Variants in SYNPR observed in about 807,000 individuals in gnomAD.
The protein encoded by SYNPR is synaptoporin.
SYNPR carries 23 observed loss-of-function variants against 32.9 expected under a neutral mutation model. That is an observed-to-expected ratio of 0.70 (90% CI 0.50 to 0.99). The LOEUF is 0.99. SYNPR is among the 50% of genes least tolerant of loss of function. The pLI is 0.00. For missense variants in SYNPR, 318 were observed against 349.3 expected (o/e 0.91, Z 0.71); for synonymous variants, 146 against 135.9 (o/e 1.07, Z -0.52).
At chr3:63,543,402 A>G (rs2106807984) in intron 3 of SYNPR, among the ~76,000 whole-genome samples, 1 of 152,238 alleles carries the variant, frequency 6.6e-6, no homozygotes, top group Middle Eastern at 3.4e-3. Flanking sequence ...TTGATTTTTA[A>G]TCATCAGGAG....
intron 2 of SYNPR, among the ~76,000 whole-genome samples, chr3:63,291,331 A>T (rs2086736555): frequency 6.6e-6 from 1 of 152,210 alleles, no homozygotes; most frequent in Non-Finnish European, 1.5e-5. Context: ...AAACAACTGT[A>T]ACACAGAGTT....
At chr3:63,528,166 T>C (rs1227486050) in intron 3 of SYNPR, among the ~76,000 whole-genome samples, 1 of 152,220 alleles carries the variant, frequency 6.6e-6, no homozygotes, top group African/African-American at 2.4e-5. Flanking sequence ...TGTGTCTCCC[T>C]CTTGATCATC....
intron 2 of SYNPR, among the ~76,000 whole-genome samples, chr3:63,404,373 A>G (rs1289428874): frequency 6.6e-6 from 1 of 152,220 alleles, no homozygotes; most frequent in African/African-American, 2.4e-5. Context: ...GAACTACAAC[A>G]ATGATAATAG....
intron 2 of SYNPR, among the ~76,000 whole-genome samples, chr3:63,260,983 C>T (rs1428635799): frequency 6.6e-6 from 1 of 152,166 alleles, no homozygotes; most frequent in Non-Finnish European, 1.5e-5. Flanking sequence ...CATCACTGGC[C>T]ATCTGAGAAA....
rs539763446 is a variant in SYNPR, at chr3:63,576,949, A to C, written c.408+20208A>C. Among the ~76,000 whole-genome samples, 35 of 151,388 alleles carry C rather than the reference A, an allele frequency of 2.3e-4. No individual in the cohort carries two copies. The South Asian group carries it at 4.6e-3, about 20-fold the overall frequency. On this transcript the variant is annotated intron_variant, in intron 4 of 5. Transcript: ENST00000478300. ...CCATTTGCACATTCACTCTACCCCT[A>C]CAGGATACATTTTTTTTTAACCTAG...
intron 2 of SYNPR, among the ~76,000 whole-genome samples, chr3:63,477,926 C>T (rs1373297058): frequency 4.6e-5 from 7 of 152,152 alleles, no homozygotes; most frequent in Admixed American, 2.0e-4. Context: ...GTGGAGTATG[C>T]GCCTGCACTC....
At chr3:63,308,369 T>C (rs1444009808) in intron 2 of SYNPR, among the ~76,000 whole-genome samples, 2 of 152,064 alleles carry the variant, frequency 1.3e-5, no homozygotes, top group Non-Finnish European at 1.5e-5. Context: ...TCGATTGAGA[T>C]ATAATTGACA....
At chr3:63,573,810 T>C (rs1029545548) in intron 4 of SYNPR, among the ~76,000 whole-genome samples, 1 of 152,190 alleles carries the variant, frequency 6.6e-6, no homozygotes, top group African/African-American at 2.4e-5. Context: ...TTTCTTGTCA[T>C]CATTTACATA....
Position 63,260,380 on chromosome 3 carries a change from C to A in SYNPR, n.155-6937C>A, listed in dbSNP as rs9758017. On this transcript the variant is annotated intron_variant and non_coding_transcript_variant, in intron 2 of 4. Transcript: ENST00000478456. ...ACTGGTACCAAAACAGAGATATAGA[C>A]CAATGGAACAGAACAGAGCCCCCAG... is the stretch of plus-strand genomic sequence containing the variant. Among the ~76,000 whole-genome samples, 4 of 151,832 alleles carry A rather than the reference C, an allele frequency of 2.6e-5. No homozygotes were observed. In the East Asian group the frequency reaches 5.8e-4, roughly 22 times the overall value.
chr3:63,421,165 G>A (rs377665172), intron 2 of SYNPR, among the ~76,000 whole-genome samples: 4 of 152,306 alleles, frequency 2.6e-5, no homozygotes, highest in East Asian at 1.9e-4. Context: ...TTACAGGCAT[G>A]AGCCACTATG....
intron 4 of SYNPR, among the ~76,000 whole-genome samples, chr3:63,559,766 CAG>C (rs1322957936): frequency 2.7e-5 from 4 of 149,272 alleles, no homozygotes; most frequent in Non-Finnish European, 5.9e-5. Context: ...ATATCTTTAA[CAG>C]AGTCACCAAA....
intron 3 of SYNPR, among the ~76,000 whole-genome samples, chr3:63,554,011 C>A (rs1289064613): frequency 1.3e-5 from 2 of 152,224 alleles, no homozygotes; most frequent in African/African-American, 4.8e-5. Flanking sequence ...CGTGAGCCAC[C>A]ATGCCCAGCC....
chr3:63,253,042 A>G (rs1232221122), intron 2 of SYNPR, among the ~76,000 whole-genome samples: 5 of 20,234 alleles, frequency 2.5e-4, no homozygotes, highest in Non-Finnish European at 3.0e-4. Context: ...CTGTCTCAGA[A>G]AAAAAAAAAA....
intron 2 of SYNPR, among the ~76,000 whole-genome samples, chr3:63,313,989 C>A (rs1376603188): frequency 2.7e-4 from 2 of 7,328 alleles, no homozygotes; most frequent in Non-Finnish European, 6.2e-4. Context: ...ATATATATAT[C>A]CATATATATA....
chr3:63,582,988 A>G (rs1330105400), intron 4 of SYNPR, among the ~76,000 whole-genome samples: 2 of 131,190 alleles, frequency 1.5e-5, no homozygotes, highest in Non-Finnish European at 3.2e-5. Context: ...ACTTGGGTGC[A>G]TGTGGGCTGA....
chr3:63,310,942 T>C (rs1488732049), intron 2 of SYNPR, among the ~76,000 whole-genome samples: 1 of 152,014 alleles, frequency 6.6e-6, no homozygotes, highest in Admixed American at 6.6e-5. Flanking sequence ...TAATGAGCTG[T>C]TCCCTGTACT....
intron 3 of SYNPR, among the ~76,000 whole-genome samples, chr3:63,545,249 A>G (rs943190500): frequency 6.6e-6 from 1 of 152,098 alleles, no homozygotes. Context: ...AATAGTCTCA[A>G]TGAAACTTTT....
At chr3:63,560,164 T>G (rs2106832687) in intron 4 of SYNPR, among the ~76,000 whole-genome samples, 1 of 152,198 alleles carries the variant, frequency 6.6e-6, no homozygotes, top group Middle Eastern at 3.4e-3. Flanking sequence ...ATTCTAGTAA[T>G]CAAAAAAGAA....
At chr3:63,209,098 G>A in the SYNPR span, among the ~76,000 whole-genome samples, 1 of 151,954 alleles carries the variant, frequency 6.6e-6, no homozygotes, top group Non-Finnish European at 1.5e-5. Flanking sequence ...TGGAAATATA[G>A]GCATCCTTTT....
Sources: allele counts gnomAD v4.1 joint callset (sites outside exome capture counted in the v4.1 genomes callset), GRCh38; gene constraint gnomAD v4.1.1; transcripts MANE v1.5; gene names NCBI Gene and HGNC (gene_info 2026-07-23, HGNC 2026-07-21).